The following SEMA6D variants were observed in gnomAD, a reference collection of about 807,000 sequenced individuals.
SEMA6D encodes the protein semaphorin-6D.
Under a neutral mutation model 106.6 loss-of-function variants are expected in SEMA6D, and 35 were observed. That is an observed-to-expected ratio of 0.33 (90% confidence interval 0.25 to 0.44). SEMA6D has a LOEUF of 0.44. Among genes scored for constraint, SEMA6D ranks in the 20% least tolerant of loss-of-function variants. The pLI is 1.00. For missense variants in SEMA6D, 1,185 were observed against 1,345.9 expected, an observed-to-expected ratio of 0.88 and a Z score of 1.87; for synonymous variants, 499 against 487.7, an observed-to-expected ratio of 1.02 and a Z score of -0.31.
intron 1 of SEMA6D, among the ~76,000 whole-genome samples, chr15:47,187,822 G>A (rs1276310870): frequency 2.6e-5 from 4 of 152,028 alleles, no homozygotes; most frequent in African/African-American, 9.7e-5. Context: ...GTGGGGGGAG[G>A]GGTGAAGAGA....
rs1463537076 is a variant in SEMA6D at position 47,703,005 on chromosome 15, A to G, written c.-54-56740A>G. 2.0e-5 allele frequency among the ~76,000 whole-genome samples: 3 copies of G among 152,238 alleles called. No individual in the cohort carries two copies. In the East Asian group the frequency reaches 5.8e-4, roughly 29 times the overall value. ...AAATAGTGAACTGTAATGTAAATGC[A>G]GTGTGTAGGTGTTTATACAAAAAAA... On this transcript the variant is annotated intron_variant, in intron 4 of 19. Transcript: ENST00000558014.
chr15:47,229,039 A>G (rs2032004189), intron 1 of SEMA6D, among the ~76,000 whole-genome samples: 1 of 152,032 alleles, frequency 6.6e-6, no homozygotes, highest in Non-Finnish European at 1.5e-5. Context: ...CTTTACACCT[A>G]GGAAACTGAA....
rs1241254522 is a variant in SEMA6D at position 47,765,923 on chromosome 15, A to C, written c.1482A>C (p.Lys494Asn). ...DKKVISLQLD[K>N]DHHALYVAFS... Reference sequence around the variant, plus strand: ...AGGTCATCTCATTACAGTTGGATAAAGATCACCACGCTTTATATGTGGCGT... The same window carrying C: ...AGGTCATCTCATTACAGTTGGATAACGATCACCACGCTTTATATGTGGCGT... The change falls in exon 14 of 19, where the codon AAA becomes AAC. Residue 494 changes from lysine to asparagine, a missense_variant. Lys to Asn is a moderately conservative substitution (Grantham distance 94). This residue lies in a region of SEMA6D where 750 missense variants were observed against 783.5 expected (regional missense o/e 0.96). Transcript: ENST00000536845. 6.4e-7 allele frequency: 1 copy of C among 1,567,478 alleles called. No individual in the cohort carries two copies. Among genetic ancestry groups the C allele is most frequent in the Admixed American group, 1.9e-5 (1 of 52,962 alleles).
chr15:47,368,531 C>T (rs902797672), intron 1 of SEMA6D, among the ~76,000 whole-genome samples: 2 of 151,920 alleles, frequency 1.3e-5, no homozygotes, highest in Non-Finnish European at 2.9e-5. Context: ...AGTGCAGTGG[C>T]GGGATCTCGG....
rs547044450 is a variant in SEMA6D, at chr15:47,709,263, C to G, written c.-54-50482C>G. ...CTCCAGGTTCTGCTGGAGCAATTAC[C>G]TCCCCCATCTGGCTCCTTAGGACCT... On this transcript the variant is annotated intron_variant, in intron 4 of 19. Transcript: ENST00000558014. Among the ~76,000 whole-genome samples, 245 of 152,182 alleles carry G rather than the reference C, an allele frequency of 1.6e-3. 1 individual carries two copies. The highest frequency in any genetic ancestry group is 3.0e-3 in the Non-Finnish European group (201 of 68,008).
intron 4 of SEMA6D, among the ~76,000 whole-genome samples, chr15:47,619,517 C>G (rs1400023472): frequency 6.6e-6 from 1 of 152,180 alleles, no homozygotes; most frequent in Non-Finnish European, 1.5e-5. Flanking sequence ...AGCTAAATTT[C>G]TTTTCTTTTT....
chr15:47,262,515 G>T lies in SEMA6D; in HGVS notation c.-239+78097G>T, dbSNP rs146829212. 1.6e-4 allele frequency among the ~76,000 whole-genome samples: 25 copies of T among 152,066 alleles called. No individual in the cohort carries two copies. The East Asian group carries it at 4.9e-3, about 30-fold the overall frequency. ...CTTATAAAACCATCAGATCACATGA[G>T]AACTCACTCATAATCACAAGAATAG... On this transcript the variant is annotated intron_variant, in intron 1 of 19. Transcript: ENST00000558014.
chr15:47,581,349 C>A, intron 3 of SEMA6D: 1 of 493,618 alleles, frequency 2.0e-6, no homozygotes, highest in Non-Finnish European at 4.0e-6. Context: ...TATGGCAGAA[C>A]TACATATAAA....
intron 3 of SEMA6D, among the ~76,000 whole-genome samples, chr15:47,490,029 A>G (rs2043422731): frequency 6.6e-6 from 1 of 152,174 alleles, no homozygotes; most frequent in Non-Finnish European, 1.5e-5. Context: ...GCAGTTGTTA[A>G]GTAGTAGCTT....
intron 1 of SEMA6D, among the ~76,000 whole-genome samples, chr15:47,411,152 G>A (rs942031556): frequency 2.6e-5 from 4 of 152,020 alleles, no homozygotes; most frequent in Admixed American, 1.3e-4. Context: ...CTGGAGTGCA[G>A]TGGCACAGTC....
intron 2 of SEMA6D, among the ~76,000 whole-genome samples, chr15:47,466,974 C>G (rs764362639): frequency 2.0e-5 from 3 of 151,688 alleles, no homozygotes; most frequent in Non-Finnish European, 4.4e-5. Flanking sequence ...AATGATCTAC[C>G]GACCTTGGCC....
intron 1 of SEMA6D, among the ~76,000 whole-genome samples, chr15:47,186,417 A>G (rs1280970651): frequency 6.6e-6 from 1 of 152,162 alleles, no homozygotes; most frequent in Non-Finnish European, 1.5e-5. Context: ...CATCCAGACC[A>G]TACTCACGGT....
At chr15:47,733,775 AG>A (rs2146787907) in intron 1 of SEMA6D, among the ~76,000 whole-genome samples, 1 of 152,300 alleles carries the variant, frequency 6.6e-6, no homozygotes, top group Admixed American at 6.5e-5. Context: ...AAACTCACTA[AG>A]TTATAGTAGT....
chr15:47,333,408 G>T (rs1302300619), intron 1 of SEMA6D, among the ~76,000 whole-genome samples: 1 of 152,100 alleles, frequency 6.6e-6, no homozygotes, highest in Non-Finnish European at 1.5e-5. Context: ...TGCTAACATA[G>T]TTCCCCTTTA....
intron 1 of SEMA6D, among the ~76,000 whole-genome samples, chr15:47,725,398 G>A (rs560722616): frequency 6.6e-5 from 10 of 152,284 alleles, no homozygotes; most frequent in African/African-American, 2.4e-4. Context: ...TCCTAATAGA[G>A]AAAAGGGAAA....
chr15:47,353,444 G>C (rs1200955260), intron 1 of SEMA6D, among the ~76,000 whole-genome samples: 1 of 152,072 alleles, frequency 6.6e-6, no homozygotes, highest in Non-Finnish European at 1.5e-5. Flanking sequence ...ACAAAGAGTT[G>C]CACATTCCTT....
intron 1 of SEMA6D, among the ~76,000 whole-genome samples, chr15:47,747,003 T>TATATATATATATATA (rs1555422789): frequency 3.4e-5 from 5 of 149,222 alleles, no homozygotes; most frequent in South Asian, 2.1e-4. Flanking sequence ...TATATATATA[T>TATATATATATATATA]TTCGATTGTA....
chr15:47,378,224 C>T (rs752076026), intron 1 of SEMA6D, among the ~76,000 whole-genome samples: 1 of 152,150 alleles, frequency 6.6e-6, no homozygotes. Flanking sequence ...AGGCCAGGCA[C>T]GGTGGCTCAC....
intron 4 of SEMA6D, 39 bp downstream of exon 4, chr15:47,761,077 C>T: frequency 6.2e-7 from 1 of 1,611,822 alleles, no homozygotes; most frequent in Non-Finnish European, 8.5e-7. Flanking sequence ...TACCTTCCCT[C>T]TGAACCTGAT....
Sources: gnomAD v4.1 joint callset for allele counts (sites outside exome capture counted in the v4.1 genomes callset) on GRCh38, gnomAD v4.1.1 for gene constraint, gnomAD v4.1.1 regional missense constraint, MANE v1.5 for transcripts, NCBI Gene and HGNC (gene_info 2026-07-23, HGNC 2026-07-21) for gene names.